EFCAB3: variants seen among roughly 807,000 people sequenced by gnomAD.
EFCAB3 encodes EF-hand calcium binding domain 3, also known as EF-hand calcium-binding domain-containing protein 3.
In EFCAB3, 36 loss-of-function variants were observed where a neutral mutation model predicts 42.2. The ratio of observed to expected loss-of-function variants is 0.85; its 90% CI spans 0.65 to 1.13. EFCAB3 has a LOEUF of 1.13. Ranked by LOEUF, EFCAB3 falls within the 50% of genes most tolerant of loss-of-function variation. The pLI, the probability that EFCAB3 is intolerant of heterozygous loss-of-function variation, is 0.00. For missense variants in EFCAB3, 418 were observed against 505.1 expected, an observed-to-expected ratio of 0.83 and a Z score of 1.65; for synonymous variants, 170 against 172.8, an observed-to-expected ratio of 0.98 and a Z score of 0.13.
At chr17:62,397,022 G>T (rs2070356047) in intron 6 of EFCAB3, among the ~76,000 whole-genome samples, 1 of 152,052 alleles carries the variant, frequency 6.6e-6, no homozygotes, top group African/African-American at 2.4e-5. Context: ...TAAATAACTT[G>T]CCCAAGAGGG....
At chr17:62,378,145 T>C (rs55937716), upstream of EFCAB3, 139,773 of 739,216 alleles carry the variant, frequency 0.19, 13,977 homozygotes, top group African/African-American at 0.21. Flanking sequence ...TACTTGTCCA[T>C]AAAGTGAATG....
In EFCAB3 at chr17:62,406,474, T is replaced by G; in HGVS notation, c.489-6T>G. The G allele has an allele frequency of 6.4e-7, 1 of 1,566,374 alleles. No individual in the cohort carries two copies. Among genetic ancestry groups the G allele is most frequent in the Non-Finnish European group, 8.6e-7 (1 of 1,157,132 alleles). ...ATCCATTTCTGAATTACTTTTTTTT[T>G]TAAAGCTATTTCCAAAGAAAATTCC... On this transcript the variant is annotated splice_polypyrimidine_tract_variant and splice_region_variant and intron_variant, in intron 6 of 9. Coordinates refer to ENST00000305286, the MANE Select transcript of EFCAB3 (RefSeq NM_173503.4).
intron 8 of EFCAB3, among the ~76,000 whole-genome samples, chr17:62,410,713 C>A (rs2070488241): frequency 6.6e-6 from 1 of 151,886 alleles, no homozygotes; most frequent in Non-Finnish European, 1.5e-5. Flanking sequence ...AGAGAGAGCA[C>A]CTAAAGCCAG....
chr17:62,372,249 T>G (rs957970041), intron 1 of EFCAB3, among the ~76,000 whole-genome samples: 8 of 152,160 alleles, frequency 5.3e-5, no homozygotes, highest in Admixed American at 1.3e-4. Context: ...ATTTTCTTCC[T>G]CTTCTCTCTT....
chr17:62,413,498 A>G (rs2070517304), intron 8 of EFCAB3, among the ~76,000 whole-genome samples: 2 of 152,208 alleles, frequency 1.3e-5, no homozygotes, highest in Non-Finnish European at 2.9e-5. Context: ...TTGACCTAGC[A>G]ATTCCAGTCC....
chr17:62,384,638 C>T (rs2070233040), intron 2 of EFCAB3, among the ~76,000 whole-genome samples: 1 of 152,164 alleles, frequency 6.6e-6, no homozygotes, highest in African/African-American at 2.4e-5. Context: ...AAGATCTTTA[C>T]ACTGCCTTGA....
At chr17:62,408,429 T>C (rs955220835) in intron 8 of EFCAB3, among the ~76,000 whole-genome samples, 1 of 152,330 alleles carries the variant, frequency 6.6e-6, no homozygotes, top group East Asian at 1.9e-4. Context: ...TAAAATCAGA[T>C]TGAAACCCTC....
intron 3 of EFCAB3, among the ~76,000 whole-genome samples, chr17:62,388,179 C>G (rs1442041581): frequency 6.6e-6 from 1 of 152,016 alleles, no homozygotes. Flanking sequence ...CCACTGCACA[C>G]CAGCCTGGGC....
At chr17:62,392,231 A>G (rs2070309408) in intron 4 of EFCAB3, among the ~76,000 whole-genome samples, 1 of 150,610 alleles carries the variant, frequency 6.6e-6, no homozygotes, top group Non-Finnish European at 1.5e-5. Flanking sequence ...GTATATATCC[A>G]TATATCTATG....
intron 7 of EFCAB3, 123 bp from the exon 8 acceptor site, chr17:62,406,905 G>A: frequency 1.1e-6 from 1 of 951,822 alleles, no homozygotes; most frequent in African/African-American, 1.7e-5. Context: ...GCAGGAGAGT[G>A]AAGAATGAGG....
At chr17:62,377,528 T>G (rs1042052122), upstream of EFCAB3, among the ~76,000 whole-genome samples, 7 of 152,148 alleles carry the variant, frequency 4.6e-5, no homozygotes, top group Non-Finnish European at 7.4e-5. Context: ...GAAGGGAGAT[T>G]TTGCAGTTAG....
chr17:62,402,266 T>C (rs146053139), intron 6 of EFCAB3, among the ~76,000 whole-genome samples: 1,528 of 152,284 alleles, frequency 0.01, 28 homozygotes, highest in African/African-American at 0.035. Flanking sequence ...CTTTTCCTAA[T>C]TGAATACCCT....
chr17:62,394,717 T>C (rs2070334284), intron 5 of EFCAB3, among the ~76,000 whole-genome samples: 1 of 152,218 alleles, frequency 6.6e-6, no homozygotes, highest in South Asian at 2.1e-4. Flanking sequence ...GAACTGTTCT[T>C]AGGATAAAGA....
chr17:62,376,019 C>A (rs2070147540), upstream of EFCAB3, among the ~76,000 whole-genome samples: 1 of 152,082 alleles, frequency 6.6e-6, no homozygotes, highest in Admixed American at 6.6e-5. Flanking sequence ...CTTCATAAGC[C>A]CCAATCCACC....
At chr17:62,411,763 G>A (rs539051554) in intron 8 of EFCAB3, among the ~76,000 whole-genome samples, 1 of 139,842 alleles carries the variant, frequency 7.2e-6, no homozygotes, top group South Asian at 2.6e-4. Context: ...GCAACACTCT[G>A]TCTCTAAAGA....
intron 6 of EFCAB3, among the ~76,000 whole-genome samples, chr17:62,403,942 G>A (rs1423348868): frequency 6.6e-6 from 1 of 152,166 alleles, no homozygotes; most frequent in Non-Finnish European, 1.5e-5. Flanking sequence ...GAGCAGCTGT[G>A]CCCAGCCCTC....
Position 62,416,427 on chromosome 17 carries a change from G to A in EFCAB3, c.*98G>A, listed in dbSNP as rs953585920. 2.6e-5 allele frequency: 28 copies of A among 1,071,810 alleles called. No homozygotes were observed. In the African/African-American group the frequency reaches 3.5e-4, roughly 13 times the overall value. 66.4% of individuals were successfully genotyped at this position (1,071,810 alleles called of 1,614,324 possible). A position where few individuals can be genotyped will look rare whatever the true frequency, so the allele number is the denominator to read the frequency against. On this transcript the variant is annotated 3_prime_UTR_variant, in exon 10 of 10. Transcript: ENST00000305286. ...TTGTCTAAGTACATTCTTAGAAGCT[G>A]GAAATTTTGACATCTTTTGGATTCT... is the stretch of plus-strand genomic sequence containing the variant.
At chr17:62,387,280 A>G in intron 2 of EFCAB3, 60 bp from the exon 3 acceptor site, 1 of 1,325,400 alleles carries the variant, frequency 7.5e-7, no homozygotes, top group Non-Finnish European at 1.1e-6. Context: ...GATGAGTAAG[A>G]CTAATATCTG....
upstream of EFCAB3, among the ~76,000 whole-genome samples, chr17:62,379,683 A>T (rs1284691567): frequency 1.3e-5 from 2 of 152,142 alleles, no homozygotes; most frequent in African/African-American, 2.4e-5. Context: ...CCAACTATAT[A>T]ACTAGCTAAG....
Sources: allele counts gnomAD v4.1 joint callset (sites outside exome capture counted in the v4.1 genomes callset), GRCh38; gene constraint gnomAD v4.1.1; transcripts MANE v1.5; gene names NCBI Gene and HGNC (gene_info 2026-07-23, HGNC 2026-07-21).